Variants in ABI2 observed in about 807,000 individuals in gnomAD.
The protein encoded by ABI2 is abelson interactor 2.
ABI2 carries 25 observed loss-of-function variants against 59.2 expected under a neutral mutation model. The ratio of observed to expected loss-of-function variants is 0.42; its 90% CI spans 0.31 to 0.59. The LOEUF (loss-of-function observed/expected upper bound fraction) is 0.59. ABI2 is among the 20% of genes least tolerant of loss of function. ABI2 has a pLI of 0.14. For missense variants in ABI2, 545 were observed against 681.8 expected, an observed-to-expected ratio of 0.80 and a Z score of 2.23; for synonymous variants, 213 against 235.5, an observed-to-expected ratio of 0.90 and a Z score of 0.87.
chr2:203,409,235 C>A (rs191890691), intron 9 of ABI2, among the ~76,000 whole-genome samples: 1 of 152,256 alleles, frequency 6.6e-6, no homozygotes, highest in African/African-American at 2.4e-5. Context: ...GAAGCAGACA[C>A]GCAAGTCAAG....
At chr2:203,371,840 T>A (rs1403486121) in intron 2 of ABI2, among the ~76,000 whole-genome samples, 4 of 152,146 alleles carry the variant, frequency 2.6e-5, no homozygotes, top group East Asian at 3.8e-4. Context: ...AAGTTTTTTT[T>A]AATAAAAAGT....
chr2:203,363,385 A>G (rs2093820363), intron 1 of ABI2, among the ~76,000 whole-genome samples: 1 of 152,148 alleles, frequency 6.6e-6, no homozygotes, highest in Non-Finnish European at 1.5e-5. Context: ...AGCAAATACT[A>G]GGTCTTACTC....
Position 203,402,598 on chromosome 2 carries a change from C to T in ABI2, c.1056C>T (p.Ser352=). The T allele has an allele frequency of 6.3e-7, 1 of 1,587,972 alleles. No homozygotes were observed. The highest frequency in any genetic ancestry group is 8.5e-7 in the Non-Finnish European group (1 of 1,170,960). ...CAGGTCATCCTGTACAGTTCTACAG[C>T]ATGAATAGGCCTGCCTCTCGCCATA... ...PPTGHPVQFY[S]MNRPASRHTP... Residue 352 remains serine, a synonymous_variant, in exon 9 of 12, where the codon AGC becomes AGT. Coordinates refer to ENST00000261018, the MANE Select transcript of ABI2 (RefSeq NM_001375670.1).
chr2:203,349,693 CTG>C (rs977811004), intron 1 of ABI2, among the ~76,000 whole-genome samples: 1 of 151,360 alleles, frequency 6.6e-6, no homozygotes, highest in African/African-American at 2.4e-5. Context: ...GTGTGAGCCA[CTG>C]TGCCCGGCTG....
chr2:203,333,263 A>C (rs552670339), intron 1 of ABI2, among the ~76,000 whole-genome samples: 1 of 152,230 alleles, frequency 6.6e-6, no homozygotes, highest in East Asian at 1.9e-4. Flanking sequence ...TCTTGAATAT[A>C]TATCTGGTAC....
chr2:203,423,615 G>A (rs960365771), intron 11 of ABI2, among the ~76,000 whole-genome samples: 2 of 152,122 alleles, frequency 1.3e-5, no homozygotes, highest in Non-Finnish European at 2.9e-5. Flanking sequence ...AGTAGAGGCG[G>A]GGTTTCACCA....
intron 2 of ABI2, among the ~76,000 whole-genome samples, chr2:203,371,525 A>G (rs1433676172): frequency 1.3e-5 from 2 of 152,196 alleles, no homozygotes; most frequent in Non-Finnish European, 2.9e-5. Context: ...GGTTCTTAAC[A>G]TGGATTATGT....
At chr2:203,411,256 T>C (rs2097663168) in intron 9 of ABI2, 29 bp from the exon 10 acceptor site, 3 of 1,564,198 alleles carry the variant, frequency 1.9e-6, no homozygotes, top group Non-Finnish European at 2.6e-6. Context: ...CCTTATCCCT[T>C]ATCCTCCACA....
chr2:203,403,903 G>A (rs796810069), intron 9 of ABI2, among the ~76,000 whole-genome samples: 18 of 151,118 alleles, frequency 1.2e-4, no homozygotes, highest in African/African-American at 4.4e-4. Context: ...AGGCACCCAC[G>A]ACCACACCCA....
intron 1 of ABI2, among the ~76,000 whole-genome samples, chr2:203,350,351 C>T (rs984649173): frequency 3.3e-5 from 5 of 151,798 alleles, no homozygotes; most frequent in South Asian, 4.2e-4. Flanking sequence ...GCCTGGCCAA[C>T]GGTCTCTGTT....
intron 2 of ABI2, among the ~76,000 whole-genome samples, chr2:203,370,216 C>A: frequency 6.7e-6 from 1 of 149,394 alleles, no homozygotes; most frequent in Non-Finnish European, 1.5e-5. Flanking sequence ...CTCTCTCTCT[C>A]TCTCTCTCTC....
chr2:203,353,543 G>A (rs992222151), intron 1 of ABI2, among the ~76,000 whole-genome samples: 2 of 152,076 alleles, frequency 1.3e-5, no homozygotes, highest in Non-Finnish European at 2.9e-5. Context: ...GCAGTGGCAT[G>A]GTCTTCTCTC....
At chr2:203,365,858 T>A (rs1455046714) in intron 1 of ABI2, among the ~76,000 whole-genome samples, 5 of 151,996 alleles carry the variant, frequency 3.3e-5, no homozygotes, top group Non-Finnish European at 2.9e-5. Context: ...CTCAATCTCC[T>A]GACCTCATGA....
At chr2:203,353,259 T>C (rs2152779315) in intron 1 of ABI2, among the ~76,000 whole-genome samples, 1 of 152,344 alleles carries the variant, frequency 6.6e-6, no homozygotes, top group African/African-American at 2.4e-5. Flanking sequence ...TCTTTCATGG[T>C]TACTTAAACT....
intron 11 of ABI2, among the ~76,000 whole-genome samples, chr2:203,426,810 A>G (rs1041623824): frequency 3.3e-5 from 5 of 150,486 alleles, no homozygotes; most frequent in African/African-American, 1.2e-4. Flanking sequence ...AAAAACCACA[A>G]TATGGTATCT....
intron 2 of ABI2, 53 bp downstream of exon 2, chr2:203,367,097 A>G: frequency 2.0e-6 from 3 of 1,537,904 alleles, no homozygotes; most frequent in Non-Finnish European, 2.6e-6. Flanking sequence ...AATAATAAAC[A>G]CAGGCTATCT....
chr2:203,355,783 A>G (rs903163175), intron 1 of ABI2, among the ~76,000 whole-genome samples: 4 of 145,462 alleles, frequency 2.7e-5, no homozygotes, highest in South Asian at 2.3e-4. Flanking sequence ...GTGAGCCGAG[A>G]TTACGCCATT....
chr2:203,332,102 G>T (rs1184417009), intron 1 of ABI2, among the ~76,000 whole-genome samples: 3 of 151,812 alleles, frequency 2.0e-5, no homozygotes, highest in Non-Finnish European at 4.4e-5. Flanking sequence ...GAGCCACCGT[G>T]CCTGGCCCCC....
rs997524793 is a variant in ABI2, at chr2:203,427,313, T to C, written c.1590T>C (p.Pro530=). The C allele has an allele frequency of 3.7e-6, 6 of 1,613,956 alleles. No homozygotes were observed. Among genetic ancestry groups the C allele is most frequent in the East Asian group, 2.2e-5 (1 of 44,846 alleles). Residue 530 remains proline (P), a synonymous_variant, in exon 12 of 12, where the codon CCT becomes CCC. Coordinates refer to ENST00000261018, the MANE Select transcript of ABI2 (RefSeq NM_001375670.1). ...GVMNGVTGLF[P]GNYVESIMHY... is the part of the protein sequence containing the mutation. The stretch of plus-strand genomic sequence containing the variant: ...TGAATGGAGTGACTGGGCTTTTTCC[T>C]GGGAATTACGTTGAGTCTATCATGC...
Sources: gnomAD v4.1 joint callset for allele counts (sites outside exome capture counted in the v4.1 genomes callset) on GRCh38, gnomAD v4.1.1 for gene constraint, MANE v1.5 for transcripts, NCBI Gene and HGNC (gene_info 2026-07-23, HGNC 2026-07-21) for gene names.